The following ADM2 variants were observed in gnomAD, a reference collection of about 807,000 sequenced individuals.
ADM2 encodes adrenomedullin 2.
A neutral mutation model predicts 7.1 loss-of-function variants in ADM2; 5 were observed. The ratio of observed to expected loss-of-function variants is 0.71; its 90% CI spans 0.37 to 1.49. The LOEUF (loss-of-function observed/expected upper bound fraction) is 1.49, where lower values mean the gene tolerates loss of function less well. ADM2 is among the 40% of genes most tolerant of loss of function. The pLI, the probability that ADM2 is intolerant of heterozygous loss-of-function variation, is 0.03. For synonymous variants in ADM2, 123 were observed against 92.8 expected, an observed-to-expected ratio of 1.33 and a Z score of -1.87; for missense variants, 236 against 211.2, an observed-to-expected ratio of 1.12 and a Z score of -0.73.
Position 50,481,959 on chromosome 22 carries a change from T to C in ADM2, c.110+2T>C, listed in dbSNP as rs2068201210. 6.5e-7 allele frequency: 1 copy of C among 1,534,842 alleles called. No homozygotes were observed. ...GGACCCGCGACCCGTCAAACCCAGG[T>C]GAGTCCAGGTCTTGGGCCAGCCAAC... On this transcript the variant is annotated splice_donor_variant, in intron 2 of 2. Transcript: ENST00000395737. LOFTEE classifies it high-confidence loss of function.
chr22:50,483,715 A>C lies in ADM2; in HGVS notation c.*812A>C. The C allele has an allele frequency of 1.8e-5, 3 of 169,650 alleles. No homozygotes were observed. The highest frequency in any genetic ancestry group is 2.6e-5 in the Non-Finnish European group (2 of 78,308). The allele number at this position is 169,650 out of a possible 1,614,324, so 10.5% of individuals were successfully genotyped here. On this transcript the variant is annotated 3_prime_UTR_variant, in exon 3 of 3. Coordinates refer to ENST00000395737, the MANE Select transcript of ADM2 (RefSeq NM_001253845.2). ...GGCAGCCAGACAAGGGTGGGGCTCC[A>C]CAGGCAGCACAGGCGCCCCACCACC...
rs1036489914 is a variant in ADM2 at position 50,486,145 on chromosome 22, C to T, written c.*3242C>T. 6.6e-6 allele frequency: 1 copy of T among 152,336 alleles called. No individual in the cohort carries two copies. The highest frequency in any genetic ancestry group is 1.5e-5 in the Non-Finnish European group (1 of 68,156). The allele number at this position is 152,336 out of a possible 1,614,324, so 9.4% of individuals were successfully genotyped here. On this transcript the variant is annotated 3_prime_UTR_variant, in exon 3 of 3. Coordinates refer to ENST00000395737, the MANE Select transcript of ADM2 (RefSeq NM_001253845.2). The stretch of plus-strand genomic sequence containing the variant: ...TGACCCCATCCCCATCCTCGCTGGG[C>T]CCGCCGACCCCGGTGTTAGCAAGAA...
At position 50,481,772 on chromosome 22, in the gene ADM2, G is replaced by A; in HGVS notation, c.-12+9G>A. 3.8e-6 allele frequency: 4 copies of A among 1,041,210 alleles called. No individual in the cohort carries two copies. Among genetic ancestry groups the A allele is most frequent in the Non-Finnish European group, 2.6e-6 (2 of 766,908 alleles). 64.5% of individuals were successfully genotyped at this position (1,041,210 alleles called of 1,614,324 possible). ...GCGGAGGACTCCCCGAGGTGCCGGCGGAGGGGGTGGCTCGCGGCTCAGGCT... is the reference window on the plus strand; with the variant it reads ...GCGGAGGACTCCCCGAGGTGCCGGCAGAGGGGGTGGCTCGCGGCTCAGGCT... On this transcript the variant is annotated intron_variant, in intron 1 of 2. Transcript: ENST00000395737.
At position 50,482,853 on chromosome 22, in the gene ADM2, C is replaced by A; in HGVS notation, c.397C>A (p.Arg133=). 1 of 1,606,550 alleles carries A rather than the reference C, an allele frequency of 6.2e-7. No homozygotes were observed. Among genetic ancestry groups the A allele is most frequent in the South Asian group, 1.1e-5 (1 of 90,706 alleles). The change falls in exon 3 of 3, where the codon CGG becomes AGG. Residue 133 remains arginine (R), a synonymous_variant. Coordinates refer to ENST00000395737, the MANE Select transcript of ADM2 (RefSeq NM_001253845.2). ...RLWQLMGPAG[R]QDSAPVDPSS... ...GTGGCAACTCATGGGACCGGCCGGCCGGCAGGACTCAGCTCCTGTGGACCC... is the reference window on the plus strand; with the variant it reads ...GTGGCAACTCATGGGACCGGCCGGCAGGCAGGACTCAGCTCCTGTGGACCC...
In ADM2 at chr22:50,481,602, A is replaced by G; in HGVS notation, c.-173A>G. 4.1e-6 allele frequency: 1 copy of G among 244,848 alleles called. No homozygotes were observed. Among genetic ancestry groups the G allele is most frequent in the Non-Finnish European group, 7.7e-6 (1 of 129,504 alleles). The allele number at this position is 244,848 out of a possible 1,614,324, so 15.2% of individuals were successfully genotyped here. ...CCCGGGCCGCGACTCCGCTCCAGGCAGGACCCCCAACCCGCCCAGCCCGCT... is the reference window on the plus strand; with the variant it reads ...CCCGGGCCGCGACTCCGCTCCAGGCGGGACCCCCAACCCGCCCAGCCCGCT... On this transcript the variant is annotated 5_prime_UTR_variant, in exon 1 of 3. Coordinates refer to ENST00000395737, the MANE Select transcript of ADM2 (RefSeq NM_001253845.2).
At position 50,484,765 on chromosome 22, in the gene ADM2, AG is replaced by A. The variant is rs1462742087; in HGVS notation, c.*1864del. 1 of 152,258 alleles carries A rather than the reference AG, an allele frequency of 6.6e-6. No individual in the cohort carries two copies. The highest frequency in any genetic ancestry group is 1.5e-5 in the Non-Finnish European group (1 of 68,110). 9.4% of individuals were successfully genotyped at this position (152,258 alleles called of 1,614,324 possible). A position where few individuals can be genotyped will look rare whatever the true frequency, so the allele number is the denominator to read the frequency against. On this transcript the variant is annotated 3_prime_UTR_variant, in exon 3 of 3. Coordinates refer to ENST00000395737, the MANE Select transcript of ADM2 (RefSeq NM_001253845.2). The stretch of plus-strand genomic sequence containing the variant: ...ACCCTCCTCATGCCCTGTAGTCAGG[AG>A]GCCGCCTGCTGTAACCCTCCGTGTC...
At position 50,483,313 on chromosome 22, in the gene ADM2, G is replaced by A. The variant is rs61732428; in HGVS notation, c.*410G>A. ...TGCTGGTCCAGTCAGACTGAAGCCC[G>A]GCCTTGTGCCTGGGCTGTTCCTGCT... On this transcript the variant is annotated 3_prime_UTR_variant, in exon 3 of 3. Transcript: ENST00000395737. 2.0e-3 allele frequency: 913 copies of A among 465,680 alleles called. 12 individuals carry two copies. Among genetic ancestry groups the A allele is most frequent in the African/African-American group, 0.016 (821 of 50,674 alleles). The allele number at this position is 465,680 out of a possible 1,614,324, so 28.8% of individuals were successfully genotyped here. A position where few individuals can be genotyped will look rare whatever the true frequency, so the allele number is the denominator to read the frequency against.
chr22:50,482,899 G>A lies in ADM2; in HGVS notation c.443G>A (p.Gly148Asp). 1 of 1,588,636 alleles carries A rather than the reference G, an allele frequency of 6.3e-7. No homozygotes were observed. The highest frequency in any genetic ancestry group is 8.5e-7 in the Non-Finnish European group (1 of 1,172,770). ...PVDPSSPHSY[G>D] ...GACCCCAGCAGCCCCCACAGCTATG[G>A]CTGAGGTGGGGCCGGGCCACACCCC... Residue 148 changes from glycine to aspartate, a missense_variant, in exon 3 of 3, where the codon GGC becomes GAC. Coordinates refer to ENST00000395737, the MANE Select transcript of ADM2 (RefSeq NM_001253845.2).
intron 2 of ADM2, 41 bp downstream of exon 2, chr22:50,481,998 G>A (rs1051377017): frequency 3.3e-6 from 5 of 1,507,250 alleles, no homozygotes; most frequent in East Asian, 2.7e-5. Context: ...TCTGGCCCCC[G>A]CAGGGAAGCA....
rs1011146915 is a variant in ADM2 at position 50,483,687 on chromosome 22, G to C, written c.*784G>C. ...CTCACCTGAAGGGGGTGAGACCCTT[G>C]TTGGCAGCCAGACAAGGGTGGGGCT... On this transcript the variant is annotated 3_prime_UTR_variant, in exon 3 of 3. Coordinates refer to ENST00000395737, the MANE Select transcript of ADM2 (RefSeq NM_001253845.2). The C allele has an allele frequency of 5.6e-6, 1 of 177,128 alleles. No individual in the cohort carries two copies. The highest frequency in any genetic ancestry group is 2.4e-5 in the African/African-American group (1 of 41,896). 11.0% of individuals were successfully genotyped at this position (177,128 alleles called of 1,614,324 possible).
Position 50,482,997 on chromosome 22 carries a change from G to C in ADM2, c.*94G>C, listed in dbSNP as rs770576228. ...AGCCCCATCTGAAGCCCAGTCCCTC[G>C]GAGCTGCAGACAGCAGGTCCTGCAG... On this transcript the variant is annotated 3_prime_UTR_variant, in exon 3 of 3. Transcript: ENST00000395737. 9 of 1,528,878 alleles carry C rather than the reference G, an allele frequency of 5.9e-6. No individual in the cohort carries two copies. The South Asian group carries it at 9.6e-5, about 16-fold the overall frequency. The allele number at this position is 1,528,878 out of a possible 1,614,324, so 94.7% of individuals were successfully genotyped here. A position where few individuals can be genotyped will look rare whatever the true frequency, so the allele number is the denominator to read the frequency against.
intron 2 of ADM2, among the ~76,000 whole-genome samples, 194 bp downstream of exon 2, chr22:50,482,151 G>C (rs1392584794): frequency 6.6e-6 from 1 of 152,184 alleles, no homozygotes; most frequent in Admixed American, 6.5e-5. Flanking sequence ...CCCTACACAG[G>C]GCAGTTGCTC....
In ADM2 at chr22:50,482,682, CCT is replaced by C. The variant is rs1301685305; in HGVS notation, c.227_228del (p.Pro76ArgfsTer100). 1.9e-6 allele frequency: 3 copies of C among 1,598,158 alleles called. No individual in the cohort carries two copies. The highest frequency in any genetic ancestry group is 8.5e-7 in the Non-Finnish European group (1 of 1,171,016). On this transcript the variant is annotated frameshift_variant, in exon 3 of 3. Transcript: ENST00000395737. LOFTEE classifies it low-confidence loss of function (END_TRUNC). Reference sequence around the variant, plus strand: ...GGCACAGAGGGGTGCCGGCCTGGCCCCTGTTATGGGTCAGCCTCTCCGGGATG... The same window carrying C: ...GGCACAGAGGGGTGCCGGCCTGGCCCGTTATGGGTCAGCCTCTCCGGGATG... ...LQAQRGAGLA[P>X]VMGQPLRDGG...
At position 50,482,955 on chromosome 22, in the gene ADM2, G is replaced by A. The variant is rs769729265; in HGVS notation, c.*52G>A. On this transcript the variant is annotated 3_prime_UTR_variant, in exon 3 of 3. Transcript: ENST00000395737. The stretch of plus-strand genomic sequence containing the variant: ...ATCCCAGCCAGGGTGCTGTGCCCCC[G>A]TCCAGAGCTGCAGCTGAGCCCCATC... 60 of 1,540,916 alleles carry A rather than the reference G, an allele frequency of 3.9e-5. No individual in the cohort carries two copies. Among genetic ancestry groups the A allele is most frequent in the East Asian group, 3.9e-4 (16 of 41,262 alleles).
At position 50,485,657 on chromosome 22, in the gene ADM2, C is replaced by A; in HGVS notation, c.*2754C>A. On this transcript the variant is annotated 3_prime_UTR_variant, in exon 3 of 3. Coordinates refer to ENST00000395737, the MANE Select transcript of ADM2 (RefSeq NM_001253845.2). ...GTGGAGTGGCAGGGAGTGCTGAGTG[C>A]CACAGGAAGTCAGACAAGGAAGGAG... 6.6e-6 allele frequency: 1 copy of A among 152,456 alleles called. No individual in the cohort carries two copies. The allele number at this position is 152,456 out of a possible 1,614,324, so 9.4% of individuals were successfully genotyped here. A position where few individuals can be genotyped will look rare whatever the true frequency, so the allele number is the denominator to read the frequency against.
rs761810766 is a variant in ADM2, at chr22:50,482,001, G to A, written c.110+44G>A. On this transcript the variant is annotated intron_variant, in intron 2 of 2. Coordinates refer to ENST00000395737, the MANE Select transcript of ADM2 (RefSeq NM_001253845.2). ...CCAGCCAACCCCTCTGGCCCCCGCA[G>A]GGAAGCAGAGTGCCGGGGGCCGCGG... 16 of 1,505,186 alleles carry A rather than the reference G, an allele frequency of 1.1e-5. No homozygotes were observed. In the South Asian group the frequency reaches 1.7e-4, roughly 16 times the overall value. 93.2% of individuals were successfully genotyped at this position (1,505,186 alleles called of 1,614,324 possible).
In ADM2 at chr22:50,481,879, G is replaced by C. The variant is rs1209905874; in HGVS notation, c.32G>C (p.Cys11Ser). The change falls in exon 2 of 3, where the codon TGC becomes TCC. Residue 11 changes from cysteine to serine, a missense_variant. Coordinates refer to ENST00000395737, the MANE Select transcript of ADM2 (RefSeq NM_001253845.2). ...CGGATCCCGACGGCCGCCCTGGGTTGCATCAGCCTCCTCTGCCTGCAGCTC... is the reference window on the plus strand; with the variant it reads ...CGGATCCCGACGGCCGCCCTGGGTTCCATCAGCCTCCTCTGCCTGCAGCTC... The part of the protein sequence containing the change: MARIPTAALG[C>S]ISLLCLQLPG... The C allele has an allele frequency of 1.3e-6, 2 of 1,521,424 alleles. No homozygotes were observed. The highest frequency in any genetic ancestry group is 1.8e-6 in the Non-Finnish European group (2 of 1,138,962). The allele number at this position is 1,521,424 out of a possible 1,614,324, so 94.2% of individuals were successfully genotyped here. A position where few individuals can be genotyped will look rare whatever the true frequency, so the allele number is the denominator to read the frequency against.
Position 50,482,775 on chromosome 22 carries a change from C to G in ADM2, c.319C>G (p.Arg107Gly), listed in dbSNP as rs770975376. The G allele has an allele frequency of 3.2e-5, 51 of 1,607,362 alleles. No homozygotes were observed. The highest frequency in any genetic ancestry group is 3.6e-5 in the Non-Finnish European group (42 of 1,178,564). The change falls in exon 3 of 3, where the codon CGA becomes GGA. Residue 107 changes from arginine (R) to glycine (G), a missense_variant. Arg to Gly is a moderately radical substitution (Grantham distance 125, BLOSUM62 -2). Coordinates refer to ENST00000395737, the MANE Select transcript of ADM2 (RefSeq NM_001253845.2). ...GPRRTQAQLLRVGCVLGTCQV... is the reference protein window; with the variant it reads ...GPRRTQAQLLGVGCVLGTCQV... ...CCGCAGGACCCAAGCCCAGCTCCTG[C>G]GAGTGGGCTGTGTGCTGGGCACCTG...
In ADM2 at chr22:50,481,967, G is replaced by T; in HGVS notation, c.110+10G>T. On this transcript the variant is annotated intron_variant, in intron 2 of 2. Transcript: ENST00000395737. ...GACCCGTCAAACCCAGGTGAGTCCA[G>T]GTCTTGGGCCAGCCAACCCCTCTGG... is the stretch of plus-strand genomic sequence containing the variant. 1 of 1,533,052 alleles carries T rather than the reference G, an allele frequency of 6.5e-7. No homozygotes were observed. 95.0% of individuals were successfully genotyped at this position (1,533,052 alleles called of 1,614,324 possible).
Sources: allele counts gnomAD v4.1 joint callset (sites outside exome capture counted in the v4.1 genomes callset), GRCh38; gene constraint gnomAD v4.1.1; transcripts MANE v1.5; gene names NCBI Gene and HGNC (gene_info 2026-07-23, HGNC 2026-07-21).